Variants in ITGA9 observed in about 807,000 individuals in gnomAD.
ITGA9 encodes integrin subunit alpha 9.
Under a neutral mutation model 127.8 loss-of-function variants are expected in ITGA9, and 56 were observed. The ratio of observed to expected loss-of-function variants is 0.44; its 90% confidence interval spans 0.35 to 0.55. ITGA9 has a LOEUF of 0.55. Among genes scored for constraint, ITGA9 ranks in the 20% least tolerant of loss-of-function variants. The pLI is 0.00. For synonymous variants in ITGA9, 508 were observed against 514.5 expected (o/e 0.99, Z 0.17); for missense variants, 1,196 against 1,347.1 (o/e 0.89, Z 1.76).
At chr3:37,532,510 G>T (rs933860880) in intron 13 of ITGA9, among the ~76,000 whole-genome samples, 11 of 152,240 alleles carry the variant, frequency 7.2e-5, no homozygotes, top group Non-Finnish European at 1.0e-4. Flanking sequence ...TCTTTGTGAG[G>T]CCTGGAGGGG....
intron 22 of ITGA9, among the ~76,000 whole-genome samples, chr3:37,744,514 C>T (rs60471599): frequency 0.067 from 10,187 of 152,016 alleles, 649 homozygotes; most frequent in African/African-American, 0.15. Flanking sequence ...GGAGTGTGAG[C>T]CCCTGTGAGC....
At chr3:37,502,465 T>C (rs1056434272) in intron 5 of ITGA9, among the ~76,000 whole-genome samples, 1 of 152,182 alleles carries the variant, frequency 6.6e-6, no homozygotes, top group Non-Finnish European at 1.5e-5. Context: ...TCCACCCGCC[T>C]CGGCCTCCCA....
Position 37,806,121 on chromosome 3 carries a change from A to G in ITGA9, c.3009+2179A>G, listed in dbSNP as rs906723274. On this transcript the variant is annotated intron_variant, in intron 27 of 27. Coordinates refer to ENST00000264741, the MANE Select transcript of ITGA9 (RefSeq NM_002207.3). The surrounding 1 kb of genome is among the most constrained non-coding windows in gnomAD (Gnocchi z 4.3). ...CCAATTTGTTGTTTATTTAATCCAC[A>G]TCGCCAGATAGATTCTTAATTCTCC... 10 of 152,222 alleles carry G rather than the reference A, an allele frequency of 6.6e-5. No individual in the cohort carries two copies. The highest frequency in any genetic ancestry group is 1.5e-4 in the Non-Finnish European group (10 of 68,038). The allele number at this position is 152,222 out of a possible 1,614,324, so 9.4% of individuals were successfully genotyped here.
At chr3:37,565,736 C>T (rs183360170) in intron 15 of ITGA9, among the ~76,000 whole-genome samples, 6 of 152,316 alleles carry the variant, frequency 3.9e-5, no homozygotes, top group Non-Finnish European at 7.3e-5. Flanking sequence ...TTGCTAGGCT[C>T]ACTCCTTATA....
chr3:37,543,877 G>A (rs1007296553), intron 15 of ITGA9, among the ~76,000 whole-genome samples: 5 of 152,264 alleles, frequency 3.3e-5, no homozygotes, highest in Non-Finnish European at 7.3e-5. Context: ...CAGACCAGCT[G>A]CCTGAGGGCT....
At chr3:37,611,445 C>A in intron 15 of ITGA9, among the ~76,000 whole-genome samples, 1 of 152,068 alleles carries the variant, frequency 6.6e-6, no homozygotes, top group East Asian at 1.9e-4. Flanking sequence ...CATTAGTGAC[C>A]TTGTTAAAAC....
intron 22 of ITGA9, among the ~76,000 whole-genome samples, chr3:37,744,618 G>T (rs963364136): frequency 6.6e-6 from 1 of 152,140 alleles, no homozygotes; most frequent in African/African-American, 2.4e-5. Flanking sequence ...GGTGTAGACT[G>T]TGGACCTCAT....
intron 8 of ITGA9, 75 bp from the exon 9 acceptor site, chr3:37,513,688 G>T: frequency 6.3e-7 from 1 of 1,582,812 alleles, no homozygotes; most frequent in South Asian, 1.1e-5. Flanking sequence ...AAAGCCAATG[G>T]GGTGGAGGAA....
chr3:37,758,174 T>C (rs1575224605), intron 23 of ITGA9, among the ~76,000 whole-genome samples: 1 of 145,666 alleles, frequency 6.9e-6, no homozygotes, highest in Non-Finnish European at 1.5e-5. Flanking sequence ...ATACAAAAAA[T>C]TAGCCGGGCG....
intron 17 of ITGA9, among the ~76,000 whole-genome samples, chr3:37,668,621 C>T (rs1222283742): frequency 6.6e-6 from 1 of 152,204 alleles, no homozygotes; most frequent in Non-Finnish European, 1.5e-5. Flanking sequence ...CATCCCGGCA[C>T]AGGCTTGTTA....
chr3:37,453,772 C>G (rs1038883651), intron 1 of ITGA9, among the ~76,000 whole-genome samples: 1 of 152,054 alleles, frequency 6.6e-6, no homozygotes, highest in Admixed American at 6.5e-5. Context: ...GTTTGTGGAT[C>G]GCAGTACTCA....
intron 15 of ITGA9, among the ~76,000 whole-genome samples, chr3:37,605,249 T>G: frequency 6.7e-6 from 1 of 150,006 alleles, no homozygotes; most frequent in African/African-American, 2.5e-5. Context: ...GCGGGGAGAG[T>G]GGGAGGAGAT....
chr3:37,661,447 GA>G (rs1700532433), intron 17 of ITGA9, among the ~76,000 whole-genome samples: 1 of 152,194 alleles, frequency 6.6e-6, no homozygotes, highest in Admixed American at 6.5e-5. Context: ...AACCATCAGA[GA>G]AATGTTCATT....
At chr3:37,542,647 G>T in intron 15 of ITGA9, 62 bp downstream of exon 15, 18 of 1,551,042 alleles carry the variant, frequency 1.2e-5, no homozygotes, top group Non-Finnish European at 1.3e-5. Context: ...ACTTGGAGCT[G>T]GTGGAAACTA....
chr3:37,607,671 T>A (rs1699980412), intron 15 of ITGA9, among the ~76,000 whole-genome samples: 1 of 152,168 alleles, frequency 6.6e-6, no homozygotes, highest in African/African-American at 2.4e-5. Context: ...AGTAGCTTGG[T>A]TTTTTTGCAT....
At chr3:37,588,927 G>T (rs1196258346) in intron 15 of ITGA9, among the ~76,000 whole-genome samples, 1 of 152,150 alleles carries the variant, frequency 6.6e-6, no homozygotes, top group Admixed American at 6.5e-5. Flanking sequence ...CCCAAGGCTG[G>T]GTCTGAGTGG....
chr3:37,526,061 G>T lies in ITGA9; in HGVS notation c.1363G>T (p.Val455Phe). 1 of 1,614,046 alleles carries T rather than the reference G, an allele frequency of 6.2e-7. No homozygotes were observed. The highest frequency in any genetic ancestry group is 1.1e-5 in the South Asian group (1 of 91,072). The change falls in exon 13 of 28, where the codon GTT (valine) becomes TTT (phenylalanine). Residue 455 changes from valine to phenylalanine, a missense_variant. Transcript: ENST00000264741. Reference protein sequence around the residue: ...TVGAFMSDSVVLLRARPVITV... With the variant: ...TVGAFMSDSVFLLRARPVITV... ...TGGAGCCTTCATGTCCGACAGCGTGGTTCTTCTCAGGTGAGAGGCCCCACT... is the reference window on the plus strand; with the variant it reads ...TGGAGCCTTCATGTCCGACAGCGTGTTTCTTCTCAGGTGAGAGGCCCCACT...
At position 37,741,765 on chromosome 3, in the gene ITGA9, A is replaced by G; in HGVS notation, c.2270A>G (p.Asn757Ser). 6.2e-7 allele frequency: 1 copy of G among 1,613,926 alleles called. No homozygotes were observed. Among genetic ancestry groups the G allele is most frequent in the Non-Finnish European group, 8.5e-7 (1 of 1,179,946 alleles). ...NTERSESLHD[N>S]TLVLMVPLMH... ...GAGCGCTCTGAATCCCTGCATGACA[A>G]CACCCTCGTGCTGATGGTGCCACTG... The change falls in exon 21 of 28, where the codon AAC becomes AGC. Residue 757 changes from asparagine to serine, a missense_variant. Transcript: ENST00000264741.
chr3:37,703,221 C>T lies in ITGA9; in HGVS notation c.2067+19206C>T, dbSNP rs566932529. On this transcript the variant is annotated intron_variant, in intron 18 of 27. Transcript: ENST00000264741. ...AGATATGTTTTAATTTTTTTATGACCGGAATCTTTTCCTTCAAATGAACCT... is the reference window on the plus strand; with the variant it reads ...AGATATGTTTTAATTTTTTTATGACTGGAATCTTTTCCTTCAAATGAACCT... Among the ~76,000 whole-genome samples the T allele has an allele frequency of 3.2e-4, 48 of 152,142 alleles. No individual in the cohort carries two copies. In the South Asian group the frequency reaches 3.7e-3, roughly 12 times the overall value.
Sources: allele counts gnomAD v4.1 joint callset (sites outside exome capture counted in the v4.1 genomes callset), GRCh38; gene constraint gnomAD v4.1.1; non-coding constraint Gnocchi (gnomAD v3.1); transcripts MANE v1.5; gene names NCBI Gene and HGNC (gene_info 2026-07-23, HGNC 2026-07-21).